SPMIP4: variants seen among roughly 807,000 people sequenced by gnomAD.
SPMIP4 encodes sperm-associated microtubule inner protein 4.
At chr7:25,141,401 G>A in the SPMIP4 span, among the ~76,000 whole-genome samples, 2 of 151,884 alleles carry the variant, frequency 1.3e-5, no homozygotes, top group Non-Finnish European at 2.9e-5. Context: ...GTGAAACCCC[G>A]TCTCTACTAC....
chr7:25,142,555 C>T, the SPMIP4 span: 4 of 1,203,514 alleles, frequency 3.3e-6, no homozygotes, highest in South Asian at 1.4e-5. Context: ...AAGGCAAAAA[C>T]ATGAGAAGTT....
At chr7:25,163,597 A>G in the SPMIP4 span, among the ~76,000 whole-genome samples, 6 of 152,218 alleles carry the variant, frequency 3.9e-5, no homozygotes, top group African/African-American at 1.4e-4. The surrounding 1 kb of genome is among the most constrained non-coding windows in gnomAD (Gnocchi z 4.4). Flanking sequence ...AAATTATCAC[A>G]TATGGACTCA....
the SPMIP4 span, among the ~76,000 whole-genome samples, chr7:25,165,020 C>T: frequency 6.6e-6 from 1 of 152,176 alleles, no homozygotes; most frequent in African/African-American, 2.4e-5. Context: ...TCCATCTACT[C>T]GGTTAATGGG....
chr7:25,136,418 AG>A, the SPMIP4 span: 1 of 1,614,174 alleles, frequency 6.2e-7, no homozygotes, highest in Non-Finnish European at 8.5e-7. This position sits in a 1 kb window ranked among gnomAD's most constrained non-coding sequence, Gnocchi z 5.7. Context: ...TGCTGTCTCC[AG>A]TATAAATCTT....
the SPMIP4 span, among the ~76,000 whole-genome samples, chr7:25,145,306 AATCTTGT>A: frequency 6.6e-6 from 1 of 152,168 alleles, no homozygotes; most frequent in Non-Finnish European, 1.5e-5. Flanking sequence ...AGGCTGGATT[AATCTTGT>A]ATCTTACACT....
chr7:25,158,619 G>C, the SPMIP4 span: 2 of 1,076,216 alleles, frequency 1.9e-6, no homozygotes, highest in South Asian at 1.3e-5. Flanking sequence ...AATGATATAG[G>C]CTGGGCATGG....
the SPMIP4 span, chr7:25,136,547 T>A: frequency 1.4e-4 from 231 of 1,614,220 alleles, no homozygotes; most frequent in East Asian, 5.0e-3. This position sits in a 1 kb window ranked among gnomAD's most constrained non-coding sequence, Gnocchi z 5.7. Context: ...TGTTCTTCTA[T>A]GATCTTCTCT....
chr7:25,153,182 G>C, the SPMIP4 span, among the ~76,000 whole-genome samples: 1 of 152,180 alleles, frequency 6.6e-6, no homozygotes. Flanking sequence ...AATAGTGACT[G>C]AATGGTTGGA....
At chr7:25,168,373 T>A in the SPMIP4 span, 1 of 1,613,582 alleles carries the variant, frequency 6.2e-7, no homozygotes, top group Non-Finnish European at 8.5e-7. Flanking sequence ...CCTGTGGTCC[T>A]CGGGGAGTGA....
chr7:25,142,382 C>T, the SPMIP4 span: 851,481 of 1,308,142 alleles, frequency 0.65, 280,551 homozygotes, highest in Middle Eastern at 0.69. Flanking sequence ...CGAAGAACGA[C>T]AGTTATATTA....
the SPMIP4 span, among the ~76,000 whole-genome samples, chr7:25,175,954 A>G: frequency 6.6e-6 from 1 of 152,202 alleles, no homozygotes; most frequent in Non-Finnish European, 1.5e-5. Context: ...CTGAGAACAC[A>G]TGATCATCCT....
the SPMIP4 span, chr7:25,168,231 G>C: frequency 1.4e-6 from 2 of 1,470,394 alleles, no homozygotes; most frequent in Non-Finnish European, 1.8e-6. Context: ...ACTCACAATG[G>C]AAGTAAAGAA....
chr7:25,141,372 GA>G, the SPMIP4 span, among the ~76,000 whole-genome samples: 1 of 152,212 alleles, frequency 6.6e-6, no homozygotes, highest in Non-Finnish European at 1.5e-5. Flanking sequence ...AGGAGATCGA[GA>G]CCATCCTGGT....
the SPMIP4 span, chr7:25,179,437 G>T: frequency 1.1e-6 from 1 of 934,734 alleles, no homozygotes; most frequent in African/African-American, 1.7e-5. Context: ...AGACGTCACA[G>T]GCTTCCCTCT....
chr7:25,133,893 G>A, the SPMIP4 span, among the ~76,000 whole-genome samples: 5 of 152,146 alleles, frequency 3.3e-5, no homozygotes, highest in Admixed American at 2.0e-4. Context: ...TATTGTGCAT[G>A]TACTGGACAA....
the SPMIP4 span, among the ~76,000 whole-genome samples, chr7:25,155,578 T>C: frequency 2.0e-5 from 3 of 152,220 alleles, no homozygotes; most frequent in Admixed American, 2.0e-4. Context: ...TCCCAGGAAT[T>C]GTTTTGGGCA....
chr7:25,128,481 G>A, the SPMIP4 span, among the ~76,000 whole-genome samples: 1 of 152,122 alleles, frequency 6.6e-6, no homozygotes, highest in Non-Finnish European at 1.5e-5. This position sits in a 1 kb window ranked among gnomAD's most constrained non-coding sequence, Gnocchi z 4.5. Context: ...GACCACCATT[G>A]CACTAGCCCA....
chr7:25,173,262 C>T, the SPMIP4 span, among the ~76,000 whole-genome samples: 1 of 152,182 alleles, frequency 6.6e-6, no homozygotes, highest in East Asian at 1.9e-4. The surrounding 1 kb of genome is among the most constrained non-coding windows in gnomAD (Gnocchi z 4.4). Context: ...AGAAGCAACA[C>T]TCAGGACTAT....
At chr7:25,165,607 C>T in the SPMIP4 span, among the ~76,000 whole-genome samples, 1 of 152,218 alleles carries the variant, frequency 6.6e-6, no homozygotes, top group Non-Finnish European at 1.5e-5. Context: ...CTTGGCCTCC[C>T]AAGGTGCTGG....
Sources: allele counts gnomAD v4.1 joint callset (sites outside exome capture counted in the v4.1 genomes callset), GRCh38; gene constraint gnomAD v4.1.1; non-coding constraint Gnocchi (gnomAD v3.1); transcripts MANE v1.5; gene names NCBI Gene and HGNC (gene_info 2026-07-23, HGNC 2026-07-21).